Variants in SMG5 observed in about 807,000 individuals in gnomAD.
SMG5 encodes the protein nonsense-mediated mRNA decay factor SMG5.
In SMG5, 53 loss-of-function variants were observed where a neutral mutation model predicts 122.9. The ratio of observed to expected loss-of-function variants is 0.43; its 90% CI spans 0.35 to 0.54. SMG5 has a LOEUF of 0.54. Among genes scored for constraint, SMG5 ranks in the 20% least tolerant of loss-of-function variants. The pLI, the probability that SMG5 is intolerant of heterozygous loss-of-function variation, is 0.01. For missense variants in SMG5, 1,153 were observed against 1,285.6 expected (o/e 0.90, Z 1.58); for synonymous variants, 477 against 490.2 (o/e 0.97, Z 0.35).
chr1:156,273,254 G>C (rs1309235730), intron 6 of SMG5, 107 bp downstream of exon 6: 4 of 851,026 alleles, frequency 4.7e-6, no homozygotes, highest in Non-Finnish European at 8.0e-6. Context: ...AGCTGAGAAT[G>C]AAGAGGAGCT....
intron 6 of SMG5, among the ~76,000 whole-genome samples, chr1:156,272,926 T>C (rs1019401635): frequency 6.6e-6 from 1 of 152,162 alleles, no homozygotes; most frequent in Non-Finnish European, 1.5e-5. Context: ...GTTACCTGAA[T>C]TGATGGAGTA....
rs1804999 is a variant in SMG5 at position 156,249,659 on chromosome 1, A to G, written c.*928T>C. The G allele has an allele frequency of 0.51, 225,615 of 445,324 alleles. 58,335 individuals are homozygous for G. Among genetic ancestry groups the G allele is most frequent in the Admixed American group, 0.64 (26,147 of 40,718 alleles). 27.6% of individuals were successfully genotyped at this position (445,324 alleles called of 1,614,324 possible). A position where few individuals can be genotyped will look rare whatever the true frequency, so the allele number is the denominator to read the frequency against. ...GGCCTCTGACTGAGCAGCTTCAAGG[A>G]GCCTCTCCTTTCTGCTGCCCACTGA... On this transcript the variant is annotated 3_prime_UTR_variant, in exon 22 of 22. Coordinates refer to ENST00000361813, the MANE Select transcript of SMG5 (RefSeq NM_015327.3).
In SMG5 at chr1:156,252,561, G is replaced by A. The variant is rs914273001; in HGVS notation, c.2663-57C>T. On this transcript the variant is annotated intron_variant, in intron 18 of 21. Coordinates refer to ENST00000361813, the MANE Select transcript of SMG5 (RefSeq NM_015327.3). ...ATAAGCTCAGACTGCTGTGACAAGG[G>A]GCTCTGGAGGAAGTATCTGAGCTCA... The A allele has an allele frequency of 4.3e-5, 67 of 1,559,350 alleles. No homozygotes were observed. In the South Asian group the frequency reaches 7.4e-4, roughly 17 times the overall value.
At chr1:156,264,267 CAAA>C (rs1205363773) in intron 12 of SMG5, among the ~76,000 whole-genome samples, 22 of 53,980 alleles carry the variant, frequency 4.1e-4, no homozygotes, top group African/African-American at 1.7e-3. Context: ...GACTCCGTCT[CAAA>C]AAAAAAAAAA....
At position 156,249,631 on chromosome 1, in the gene SMG5, G is replaced by A. The variant is rs1487133483; in HGVS notation, c.*956C>T. ...TCCTGCGGAAGGCAAAAGGAGGGAC[G>A]GGGGCCTCTGACTGAGCAGCTTCAA... On this transcript the variant is annotated 3_prime_UTR_variant, in exon 22 of 22. Coordinates refer to ENST00000361813, the MANE Select transcript of SMG5 (RefSeq NM_015327.3). 5 of 411,386 alleles carry A rather than the reference G, an allele frequency of 1.2e-5. No homozygotes were observed. Among genetic ancestry groups the A allele is most frequent in the African/African-American group, 2.1e-5 (1 of 48,296 alleles). The allele number at this position is 411,386 out of a possible 1,614,324, so 25.5% of individuals were successfully genotyped here. A position where few individuals can be genotyped will look rare whatever the true frequency, so the allele number is the denominator to read the frequency against.
At chr1:156,285,194 C>T (rs1663113946), upstream of SMG5, 2 of 1,516,798 alleles carry the variant, frequency 1.3e-6, no homozygotes, top group Admixed American at 2.3e-5. Context: ...GATGACATGA[C>T]CTTGTGGTAG....
chr1:156,281,915 C>A (rs1191254031), intron 1 of SMG5, among the ~76,000 whole-genome samples: 2 of 152,072 alleles, frequency 1.3e-5, no homozygotes, highest in Non-Finnish European at 2.9e-5. Context: ...AAACCAGGAA[C>A]GGAAGTTGCC....
intron 10 of SMG5, 68 bp from the exon 11 acceptor site, chr1:156,266,746 A>G: frequency 3.2e-6 from 5 of 1,556,398 alleles, no homozygotes; most frequent in Non-Finnish European, 3.5e-6. Flanking sequence ...ATCAATTCCA[A>G]CCACATCTCA....
intron 7 of SMG5, 26 bp from the exon 8 acceptor site, chr1:156,268,441 G>T: frequency 6.2e-7 from 1 of 1,610,520 alleles, no homozygotes. Context: ...GTGAGCTACT[G>T]AGTCTTGGCA....
intron 16 of SMG5, among the ~76,000 whole-genome samples, chr1:156,258,278 C>T (rs1661667750): frequency 6.6e-6 from 1 of 152,210 alleles, no homozygotes; most frequent in South Asian, 2.1e-4. Flanking sequence ...ATTTGCTAGG[C>T]ACACACATGT....
chr1:156,263,847 T>A (rs1279725563), intron 12 of SMG5, among the ~76,000 whole-genome samples: 1 of 152,230 alleles, frequency 6.6e-6, no homozygotes. Flanking sequence ...TCAAGTAATT[T>A]GTGACGTTGA....
chr1:156,274,174 CAA>C lies in SMG5; in HGVS notation c.544+421_544+422del, dbSNP rs374410748. ...ACGAGAGGCCCCAGGGGCTATAAAGCAAAAGAGTACTTTTCCATCCTTAGAAA... is the reference window on the plus strand; with the variant it reads ...ACGAGAGGCCCCAGGGGCTATAAAGCAAGAGTACTTTTCCATCCTTAGAAA... On this transcript the variant is annotated intron_variant, in intron 5 of 21. Coordinates refer to ENST00000361813, the MANE Select transcript of SMG5 (RefSeq NM_015327.3). Among the ~76,000 whole-genome samples the C allele has an allele frequency of 1.3e-3, 204 of 152,270 alleles. 2 individuals are homozygous for C. Among genetic ancestry groups the C allele is most frequent in the African/African-American group, 4.1e-3 (169 of 41,554 alleles).
chr1:156,249,698 G>A lies in SMG5; in HGVS notation c.*889C>T, dbSNP rs758069503. The A allele has an allele frequency of 4.9e-5, 23 of 466,870 alleles. 1 individual carries two copies. The highest frequency in any genetic ancestry group is 3.6e-4 in the South Asian group (23 of 64,356). 28.9% of individuals were successfully genotyped at this position (466,870 alleles called of 1,614,324 possible). A position where few individuals can be genotyped will look rare whatever the true frequency, so the allele number is the denominator to read the frequency against. ...GCTGCCCACTGAATGCCGGCCCCTT[G>A]TCTTCAGCCCTCCCTTAGATAGGAA... is the stretch of plus-strand genomic sequence containing the variant. On this transcript the variant is annotated 3_prime_UTR_variant, in exon 22 of 22. Coordinates refer to ENST00000361813, the MANE Select transcript of SMG5 (RefSeq NM_015327.3).
intron 12 of SMG5, among the ~76,000 whole-genome samples, chr1:156,265,283 C>T (rs1662074803): frequency 6.6e-6 from 1 of 151,422 alleles, no homozygotes; most frequent in South Asian, 2.1e-4. Flanking sequence ...GACAACTCTT[C>T]TACCACAAGA....
chr1:156,283,106 T>C (rs1275881400), upstream of SMG5: 1 of 356,560 alleles, frequency 2.8e-6, no homozygotes, highest in African/African-American at 2.1e-5. Flanking sequence ...TGTCCTACAA[T>C]GGTCATTTGG....
chr1:156,279,341 T>C (rs1380197135), intron 1 of SMG5, among the ~76,000 whole-genome samples: 2 of 151,294 alleles, frequency 1.3e-5, no homozygotes. Flanking sequence ...TCTCCTGTAA[T>C]ACACAGGACA....
At chr1:156,285,606 G>A (rs147509014), upstream of SMG5, 20 of 1,614,102 alleles carry the variant, frequency 1.2e-5, no homozygotes, top group Admixed American at 3.3e-5. Context: ...AAAGCGGCCC[G>A]TGCCTTCGTG....
chr1:156,270,345 A>T (rs546223176), intron 7 of SMG5, among the ~76,000 whole-genome samples: 1 of 152,216 alleles, frequency 6.6e-6, no homozygotes, highest in Non-Finnish European at 1.5e-5. Context: ...GAGCCACTAC[A>T]TAAGAAGTTC....
intron 13 of SMG5, among the ~76,000 whole-genome samples, chr1:156,261,890 CAAAAAA>C (rs61569049): frequency 2.2e-5 from 2 of 90,194 alleles, no homozygotes; most frequent in Admixed American, 1.3e-4. Flanking sequence ...AACTCCTTCT[CAAAAAA>C]AAAAAAAAAA....
Sources: gnomAD v4.1 joint callset for allele counts (sites outside exome capture counted in the v4.1 genomes callset) on GRCh38, gnomAD v4.1.1 for gene constraint, MANE v1.5 for transcripts, NCBI Gene and HGNC (gene_info 2026-07-23, HGNC 2026-07-21) for gene names.